Variants in CDK19 observed in about 807,000 individuals in gnomAD.
CDK19 encodes cyclin dependent kinase 19, also known as cyclin-dependent kinase 19.
Under a neutral mutation model 68.3 loss-of-function variants are expected in CDK19, and 20 were observed. That is an observed-to-expected ratio of 0.29 (90% CI 0.21 to 0.43). CDK19 has a LOEUF of 0.43. Ranked by LOEUF, CDK19 falls within the 20% of genes least tolerant of loss-of-function variation. The pLI, the probability that CDK19 is intolerant of heterozygous loss-of-function variation, is 1.00. For missense variants in CDK19, 339 were observed against 623.5 expected (o/e 0.54, Z 4.86); for synonymous variants, 221 against 222.8 (o/e 0.99, Z 0.07).
chr6:110,705,812 T>C (rs1037247865), intron 2 of CDK19, among the ~76,000 whole-genome samples: 2 of 152,002 alleles, frequency 1.3e-5, no homozygotes, highest in Middle Eastern at 3.4e-3. Context: ...AATGAGAACA[T>C]ATAGCCACAG....
intron 4 of CDK19, among the ~76,000 whole-genome samples, chr6:110,642,828 AGAG>A (rs761814444): frequency 4.0e-5 from 6 of 151,864 alleles, no homozygotes; most frequent in Non-Finnish European, 8.8e-5. Context: ...AAAGGAGAGT[AGAG>A]GAGAAGGGAG....
chr6:110,676,398 G>T (rs938502734), intron 2 of CDK19, among the ~76,000 whole-genome samples: 5 of 152,198 alleles, frequency 3.3e-5, no homozygotes, highest in African/African-American at 1.2e-4. Flanking sequence ...CATAAACTTA[G>T]TTGGTAAAGT....
intron 2 of CDK19, among the ~76,000 whole-genome samples, chr6:110,688,514 C>T (rs1295243195): frequency 2.0e-5 from 3 of 152,090 alleles, no homozygotes. Flanking sequence ...TCCACAGACC[C>T]TTTGAAAGAA....
intron 1 of CDK19, among the ~76,000 whole-genome samples, chr6:110,802,175 T>C (rs1433650349): frequency 2.6e-5 from 4 of 152,182 alleles, no homozygotes; most frequent in African/African-American, 9.7e-5. Context: ...GCAATCCCAT[T>C]ACTAGGTATC....
chr6:110,689,037 G>A (rs1283716890), intron 2 of CDK19, among the ~76,000 whole-genome samples: 1 of 152,154 alleles, frequency 6.6e-6, no homozygotes, highest in African/African-American at 2.4e-5. Flanking sequence ...AGCATACACA[G>A]CCTGAACTTA....
chr6:110,732,517 C>A (rs1447341034), intron 2 of CDK19, among the ~76,000 whole-genome samples: 1 of 151,992 alleles, frequency 6.6e-6, no homozygotes. Context: ...GCGTGGGCAA[C>A]AAGGCAAGAA....
chr6:110,713,024 C>T (rs1470572930), intron 2 of CDK19, among the ~76,000 whole-genome samples: 2 of 151,640 alleles, frequency 1.3e-5, no homozygotes. Flanking sequence ...TGGTGAAACC[C>T]CGTCTCTACT....
At chr6:110,739,789 C>G (rs1777514647) in intron 2 of CDK19, among the ~76,000 whole-genome samples, 1 of 148,174 alleles carries the variant, frequency 6.7e-6, no homozygotes, top group East Asian at 2.0e-4. Flanking sequence ...TGCCACTATG[C>G]CCAGCTAATT....
chr6:110,799,699 G>C (rs1782214436), intron 1 of CDK19, among the ~76,000 whole-genome samples: 1 of 152,018 alleles, frequency 6.6e-6, no homozygotes, highest in South Asian at 2.1e-4. Context: ...CCCAGCTCAA[G>C]TGATCTTCCC....
chr6:110,777,538 TG>T (rs1219892843), intron 1 of CDK19, among the ~76,000 whole-genome samples: 1 of 152,212 alleles, frequency 6.6e-6, no homozygotes, highest in Non-Finnish European at 1.5e-5. Flanking sequence ...TGTGTACTGT[TG>T]GCAGGAGCAT....
chr6:110,786,136 G>GTAAA (rs1003404389), intron 1 of CDK19, among the ~76,000 whole-genome samples: 4 of 152,158 alleles, frequency 2.6e-5, no homozygotes, highest in South Asian at 2.1e-4. Context: ...AGGAGATGTT[G>GTAAA]TAAAAGAAGT....
chr6:110,647,922 A>G (rs1343136982), intron 4 of CDK19, among the ~76,000 whole-genome samples: 1 of 152,212 alleles, frequency 6.6e-6, no homozygotes, highest in African/African-American at 2.4e-5. Context: ...ATGGCTTAAC[A>G]TGAGAAAATC....
At chr6:110,650,057 T>C (rs1780867468) in intron 4 of CDK19, among the ~76,000 whole-genome samples, 1 of 151,852 alleles carries the variant, frequency 6.6e-6, no homozygotes, top group Non-Finnish European at 1.5e-5. Context: ...AATAAAAAAA[T>C]CACTGAATTA....
intron 4 of CDK19, among the ~76,000 whole-genome samples, chr6:110,661,762 G>A (rs1163209135): frequency 6.6e-6 from 1 of 152,266 alleles, no homozygotes; most frequent in South Asian, 2.1e-4. Flanking sequence ...TTTAATAGCT[G>A]TTAATTAACA....
chr6:110,752,658 C>T (rs1432370053), intron 1 of CDK19, among the ~76,000 whole-genome samples: 2 of 152,188 alleles, frequency 1.3e-5, no homozygotes, highest in Non-Finnish European at 2.9e-5. Context: ...AGAATTCCCT[C>T]GCAACATGAA....
intron 1 of CDK19, among the ~76,000 whole-genome samples, chr6:110,766,917 C>T (rs762404713): frequency 4.0e-5 from 6 of 151,664 alleles, no homozygotes; most frequent in African/African-American, 7.3e-5. Flanking sequence ...GGCAGATCAC[C>T]GAGGTCAGGA....
intron 2 of CDK19, among the ~76,000 whole-genome samples, chr6:110,741,653 A>G (rs1777678951): frequency 6.6e-6 from 1 of 151,798 alleles, no homozygotes; most frequent in Non-Finnish European, 1.5e-5. Flanking sequence ...TCTTGAAATC[A>G]ACAAGAGGGA....
chr6:110,810,781 A>G (rs1783029069), intron 1 of CDK19, among the ~76,000 whole-genome samples: 3 of 152,022 alleles, frequency 2.0e-5, no homozygotes, highest in African/African-American at 7.2e-5. Context: ...CTCAAAAAAA[A>G]AAAAGAAAAG....
chr6:110,699,424 CA>C (rs34728164), intron 2 of CDK19, among the ~76,000 whole-genome samples: 1,037 of 93,730 alleles, frequency 0.011, 2 homozygotes, highest in Middle Eastern at 0.019. Context: ...GACTTCGTCT[CA>C]AAAAAAAAAA....
Sources: allele counts gnomAD v4.1 joint callset (sites outside exome capture counted in the v4.1 genomes callset), GRCh38; gene constraint gnomAD v4.1.1; transcripts MANE v1.5; gene names NCBI Gene and HGNC (gene_info 2026-07-23, HGNC 2026-07-21).